Variants in URI1 observed in about 807,000 individuals in gnomAD.
URI1 encodes unconventional prefoldin RPB5 interactor 1.
A neutral mutation model predicts 60.2 loss-of-function variants in URI1; 39 were observed. That is an observed-to-expected ratio of 0.65 (90% CI 0.50 to 0.85). The LOEUF is 0.85. Among genes scored for constraint, URI1 ranks in the 40% least tolerant of loss-of-function variants. The pLI is 0.00. For missense variants in URI1, 691 were observed against 665.9 expected (o/e 1.04, Z -0.42); for synonymous variants, 251 against 236.8 (o/e 1.06, Z -0.55).
At position 29,942,268 on chromosome 19, in the gene URI1, C is replaced by G; in HGVS notation, c.-280C>G. Reference sequence around the variant, plus strand: ...GGGGAGGCGCGGCCGCCACGCGACGCCTGGCTGGGCCCGCACCGGAGAGGC... The same window carrying G: ...GGGGAGGCGCGGCCGCCACGCGACGGCTGGCTGGGCCCGCACCGGAGAGGC... On this transcript the variant is annotated 5_prime_UTR_variant, in exon 1 of 11. Transcript: ENST00000392271. 1.0e-6 allele frequency: 1 copy of G among 984,716 alleles called. No homozygotes were observed. Among genetic ancestry groups the G allele is most frequent in the Non-Finnish European group, 1.2e-6 (1 of 829,620 alleles). The allele number at this position is 984,716 out of a possible 1,614,324, so 61.0% of individuals were successfully genotyped here. A position where few individuals can be genotyped will look rare whatever the true frequency, so the allele number is the denominator to read the frequency against.
At chr19:29,924,430 G>A (rs1479406682) in intron 1 of URI1, among the ~76,000 whole-genome samples, 1 of 152,128 alleles carries the variant, frequency 6.6e-6, no homozygotes, top group Non-Finnish European at 1.5e-5. Context: ...CGGTGTACTG[G>A]CGATCTAAAC....
chr19:29,969,537 G>GA (rs1735830658), intron 1 of URI1, among the ~76,000 whole-genome samples: 1 of 152,182 alleles, frequency 6.6e-6, no homozygotes, highest in Admixed American at 6.5e-5. Context: ...AAATGATTAT[G>GA]AATGTGTAAC....
intron 4 of URI1, among the ~76,000 whole-genome samples, chr19:30,003,438 C>T (rs1246687471): frequency 6.6e-6 from 1 of 151,942 alleles, no homozygotes; most frequent in East Asian, 1.9e-4. Context: ...AAAGTATATG[C>T]TTTTGAGATC....
intron 2 of URI1, among the ~76,000 whole-genome samples, chr19:29,977,318 C>G (rs2055536059): frequency 6.6e-6 from 1 of 151,996 alleles, no homozygotes. Flanking sequence ...ATATGAATAC[C>G]TGAAACTGTT....
intron 4 of URI1, among the ~76,000 whole-genome samples, chr19:29,994,723 A>G (rs1373095832): frequency 6.6e-6 from 1 of 151,952 alleles, no homozygotes; most frequent in Non-Finnish European, 1.5e-5. Context: ...CCCTGCTTTA[A>G]ATTATTTGGG....
rs1163566318 is a variant in URI1 at position 30,012,265 on chromosome 19, A to G, written c.1179-20A>G. On this transcript the variant is annotated intron_variant, in intron 9 of 10. Transcript: ENST00000392271. ...TATGAGTTACGTATAGTGAATGCATATGTGTTTTGAATATCACAGAGCCTT... is the reference window on the plus strand; with the variant it reads ...TATGAGTTACGTATAGTGAATGCATGTGTGTTTTGAATATCACAGAGCCTT... 1.9e-6 allele frequency: 3 copies of G among 1,600,632 alleles called. No individual in the cohort carries two copies. The highest frequency in any genetic ancestry group is 2.6e-6 in the Non-Finnish European group (3 of 1,170,420).
At chr19:29,947,015 GT>G (rs2055111059) in intron 1 of URI1, among the ~76,000 whole-genome samples, 2 of 152,308 alleles carry the variant, frequency 1.3e-5, no homozygotes, top group South Asian at 4.1e-4. Flanking sequence ...GAGGGATGGT[GT>G]CTTCTGTAAG....
intron 6 of URI1, 138 bp downstream of exon 6, chr19:30,005,846 GA>G: frequency 1.3e-6 from 1 of 742,474 alleles, no homozygotes; most frequent in Non-Finnish European, 2.1e-6. Flanking sequence ...TCTACTCATT[GA>G]TTTTTTTTTA....
chr19:29,929,496 C>G (rs1381626569), intron 1 of URI1, among the ~76,000 whole-genome samples: 2 of 151,996 alleles, frequency 1.3e-5, no homozygotes, highest in Non-Finnish European at 2.9e-5. Context: ...ACTTGGGAGG[C>G]TGAGGCAGGA....
At chr19:29,975,666 G>A (rs1441795700) in intron 2 of URI1, among the ~76,000 whole-genome samples, 1 of 152,072 alleles carries the variant, frequency 6.6e-6, no homozygotes, top group Admixed American at 6.6e-5. Flanking sequence ...GCCATGCCCA[G>A]CTAATTTTTT....
chr19:29,991,412 G>T (rs1292810860), intron 4 of URI1, among the ~76,000 whole-genome samples: 2 of 152,140 alleles, frequency 1.3e-5, no homozygotes, highest in Non-Finnish European at 2.9e-5. Context: ...AAGTGTTCTA[G>T]TATATAGAAA....
intron 1 of URI1, among the ~76,000 whole-genome samples, chr19:29,931,197 ATC>A (rs1049575799): frequency 2.0e-4 from 30 of 152,274 alleles, no homozygotes; most frequent in African/African-American, 6.3e-4. Flanking sequence ...ATTGCACTGA[ATC>A]TGTGGATGGC....
At chr19:29,968,449 C>T (rs1164306112) in intron 1 of URI1, among the ~76,000 whole-genome samples, 1 of 151,430 alleles carries the variant, frequency 6.6e-6, no homozygotes, top group Non-Finnish European at 1.5e-5. Flanking sequence ...AGTAATTAAT[C>T]TGAGTCCCCT....
intron 4 of URI1, among the ~76,000 whole-genome samples, 193 bp downstream of exon 4, chr19:29,986,610 G>A (rs1045218044): frequency 1.3e-5 from 2 of 152,134 alleles, no homozygotes; most frequent in Non-Finnish European, 2.9e-5. Context: ...GAGCATCCGG[G>A]TTGGAAATGT....
At chr19:29,953,369 T>C (rs1468267948) in intron 1 of URI1, among the ~76,000 whole-genome samples, 1 of 152,206 alleles carries the variant, frequency 6.6e-6, no homozygotes, top group Non-Finnish European at 1.5e-5. Context: ...AAAAAAAATT[T>C]ATTGGACTTC....
chr19:29,958,275 T>C (rs2055276559), intron 1 of URI1, among the ~76,000 whole-genome samples: 1 of 152,172 alleles, frequency 6.6e-6, no homozygotes, highest in South Asian at 2.1e-4. Flanking sequence ...TTTAATATAA[T>C]GTAAAATAAA....
intron 1 of URI1, among the ~76,000 whole-genome samples, chr19:29,945,090 C>T (rs1039926360): frequency 1.3e-5 from 2 of 151,774 alleles, no homozygotes; most frequent in African/African-American, 4.8e-5. Flanking sequence ...AAGCTCTTGG[C>T]CTTTCCCTAC....
chr19:30,006,144 T>TA (rs2055939804), intron 6 of URI1, among the ~76,000 whole-genome samples: 1 of 152,100 alleles, frequency 6.6e-6, no homozygotes, highest in Non-Finnish European at 1.5e-5. Flanking sequence ...CCATTCCTCT[T>TA]ATGGTGCCTG....
At chr19:29,991,387 A>AAAATC (rs1396415101) in intron 4 of URI1, among the ~76,000 whole-genome samples, 27 of 152,298 alleles carry the variant, frequency 1.8e-4, no homozygotes, top group African/African-American at 6.3e-4. Context: ...ATGGCATTTT[A>AAAATC]AAATCTTGTT....
Sources: allele counts gnomAD v4.1 joint callset (sites outside exome capture counted in the v4.1 genomes callset), GRCh38; gene constraint gnomAD v4.1.1; transcripts MANE v1.5; gene names NCBI Gene and HGNC (gene_info 2026-07-23, HGNC 2026-07-21).